VAC14: variants seen among roughly 807,000 people sequenced by gnomAD.
VAC14 encodes the protein VAC14 component of PIKFYVE complex.
A neutral mutation model predicts 85.3 loss-of-function variants in VAC14; 47 were observed. That is an observed-to-expected ratio of 0.55 (90% confidence interval 0.44 to 0.70). VAC14 has a LOEUF of 0.70. Ranked by LOEUF, VAC14 falls within the 30% of genes least tolerant of loss-of-function variation. VAC14 has a pLI of 0.00. For synonymous variants in VAC14, 447 were observed against 430.5 expected (o/e 1.04, Z -0.47); for missense variants, 861 against 1,004.3 (o/e 0.86, Z 1.93).
chr16:70,689,950 C>T (rs2053567168), intron 18 of VAC14: 8 of 985,402 alleles, frequency 8.1e-6, no homozygotes, highest in Middle Eastern at 5.2e-4. Flanking sequence ...CCCACTTAGG[C>T]CAAGGCCACA....
At position 70,762,429 on chromosome 16, in the gene VAC14, G is replaced by A; in HGVS notation, c.1371+111C>T. ...GGCCCCAAAGTGAGTATTAAACACA[G>A]CTTTACCTCTAGGAAGGATGCACTG... On this transcript the variant is annotated intron_variant, in intron 12 of 18. Coordinates refer to ENST00000261776, the MANE Select transcript of VAC14 (RefSeq NM_018052.5). This position sits in a 1 kb window ranked among gnomAD's most constrained non-coding sequence, Gnocchi z 4.1. 8.7e-7 allele frequency: 1 copy of A among 1,148,156 alleles called. No individual in the cohort carries two copies. Among genetic ancestry groups the A allele is most frequent in the East Asian group, 2.6e-5 (1 of 38,736 alleles). 71.1% of individuals were successfully genotyped at this position (1,148,156 alleles called of 1,614,324 possible). A position where few individuals can be genotyped will look rare whatever the true frequency, so the allele number is the denominator to read the frequency against.
At chr16:70,758,014 A>C (rs16970513) in intron 12 of VAC14, among the ~76,000 whole-genome samples, 1 of 152,108 alleles carries the variant, frequency 6.6e-6, no homozygotes, top group African/African-American at 2.4e-5. Context: ...ACCTGGGTAG[A>C]GAAGGAAGAA....
At chr16:70,688,654 C>G (rs950432619) in intron 18 of VAC14, 2 of 985,512 alleles carry the variant, frequency 2.0e-6, no homozygotes, top group Admixed American at 6.1e-5. Context: ...CACCACTGGA[C>G]ATGCCTACAG....
In VAC14 at chr16:70,744,544, G is replaced by A. The variant is rs1178014592; in HGVS notation, c.1407C>T (p.Ile469=). The A allele has an allele frequency of 1.5e-5, 24 of 1,609,598 alleles. 1 individual carries two copies. Among genetic ancestry groups the A allele is most frequent in the Middle Eastern group, 3.3e-4 (2 of 5,972 alleles). Residue 469 remains isoleucine (I), a synonymous_variant, in exon 13 of 19, where the codon ATC becomes ATT. Transcript: ENST00000261776. ...CCGTCTGGCCTGCGGGGGAGGAAGCGATTTCTGCCAGCACCTCCAGGTCCT... is the reference window on the plus strand; with the variant it reads ...CCGTCTGGCCTGCGGGGGAGGAAGCAATTTCTGCCAGCACCTCCAGGTCCT... ...ILKDLEVLAE[I]ASSPAGQTDD...
chr16:70,776,739 A>C (rs972760655), intron 9 of VAC14, among the ~76,000 whole-genome samples: 3 of 150,758 alleles, frequency 2.0e-5, no homozygotes, highest in Admixed American at 6.6e-5. Context: ...TCAGTTTTTA[A>C]TTTAAATATG....
At chr16:70,708,909 C>A (rs1177622394) in intron 14 of VAC14, among the ~76,000 whole-genome samples, 8 of 152,206 alleles carry the variant, frequency 5.3e-5, no homozygotes, top group Non-Finnish European at 1.0e-4. Context: ...TTCTTGCATG[C>A]TGAATCCTCA....
chr16:70,738,783 C>A (rs1245887267), intron 13 of VAC14, among the ~76,000 whole-genome samples: 2 of 152,204 alleles, frequency 1.3e-5, no homozygotes, highest in Non-Finnish European at 2.9e-5. Context: ...GCCAGGGATT[C>A]CGGGGTAAGT....
intron 14 of VAC14, among the ~76,000 whole-genome samples, chr16:70,713,233 T>A (rs1406684942): frequency 6.6e-6 from 1 of 152,182 alleles, no homozygotes; most frequent in Non-Finnish European, 1.5e-5. Context: ...CGCCAGCAGA[T>A]GAGGAAAGTC....
intron 5 of VAC14, 27 bp from the exon 6 acceptor site, chr16:70,783,581 G>C (rs1271205997): frequency 1.9e-6 from 3 of 1,607,208 alleles, no homozygotes; most frequent in South Asian, 1.1e-5. Flanking sequence ...AACAGGAGGG[G>C]AAGTCAGCTC....
rs184961539 is a variant in VAC14 at position 70,693,375 on chromosome 16, C to T, written c.2036-404G>A. ...CTCGGGGCCTGTAGTGTAACATATT[C>T]TCCAGTTGGCTCCACACGTGCCAGC... On this transcript the variant is annotated intron_variant, in intron 17 of 18. Transcript: ENST00000261776. 5.8e-4 allele frequency among the ~76,000 whole-genome samples: 88 copies of T among 152,362 alleles called. No homozygotes were observed. The South Asian group carries it at 0.011, about 19-fold the overall frequency.
intron 17 of VAC14, among the ~76,000 whole-genome samples, chr16:70,695,204 T>C (rs2053681399): frequency 6.6e-6 from 1 of 151,438 alleles, no homozygotes; most frequent in Admixed American, 6.6e-5. Context: ...CTCAACCTCC[T>C]GGGCTCAAGT....
At chr16:70,691,277 T>A (rs2053590603) in intron 18 of VAC14, 2 of 985,404 alleles carry the variant, frequency 2.0e-6, no homozygotes, top group Non-Finnish European at 2.4e-6. Context: ...CCAGGAGGAC[T>A]CCCAGGAAGG....
At position 70,785,899 on chromosome 16, in the gene VAC14, C is replaced by T. The variant is rs746124702; in HGVS notation, c.256-30G>A. 4 of 1,587,746 alleles carry T rather than the reference C, an allele frequency of 2.5e-6. No homozygotes were observed. In the South Asian group the frequency reaches 3.4e-5, roughly 14 times the overall value. ...AAGGAGGCAGGAGGAGAAGACAGAT[C>T]AGAATGGGTTGGAGCCCAGGCCCTG... On this transcript the variant is annotated intron_variant, in intron 2 of 18. Transcript: ENST00000261776.
chr16:70,762,707 C>A lies in VAC14; in HGVS notation c.1306-102G>T. On this transcript the variant is annotated intron_variant, in intron 11 of 18. Coordinates refer to ENST00000261776, the MANE Select transcript of VAC14 (RefSeq NM_018052.5). This position sits in a 1 kb window ranked among gnomAD's most constrained non-coding sequence, Gnocchi z 4.1. ...GTGTGCACGGACCCACTGGTCTGCA[C>A]GGACCACTTCCCTCCCCGACACAAT... 4 of 1,489,844 alleles carry A rather than the reference C, an allele frequency of 2.7e-6. No individual in the cohort carries two copies. Among genetic ancestry groups the A allele is most frequent in the Non-Finnish European group, 3.7e-6 (4 of 1,083,604 alleles). 92.3% of individuals were successfully genotyped at this position (1,489,844 alleles called of 1,614,324 possible). A position where few individuals can be genotyped will look rare whatever the true frequency, so the allele number is the denominator to read the frequency against.
Position 70,692,859 on chromosome 16 carries a change from C to A in VAC14, c.2148G>T (p.Arg716=), listed in dbSNP as rs373770555. Residue 716 remains arginine (R), a synonymous_variant, in exon 18 of 19, where the codon CGG becomes CGT. Coordinates refer to ENST00000261776, the MANE Select transcript of VAC14 (RefSeq NM_018052.5). The part of the protein sequence containing the change: ...QSSAFQLLSH[R]LQCVPNPELL... ...GCTCAGGGTTGGGCACGCACTGGAG[C>A]CGGTGCGAGAGCAGCTGGAAGGCGC... 7.5e-6 allele frequency: 12 copies of A among 1,603,992 alleles called. No homozygotes were observed. Among genetic ancestry groups the A allele is most frequent in the Non-Finnish European group, 1.0e-5 (12 of 1,177,056 alleles).
intron 10 of VAC14, 32 bp downstream of exon 10, chr16:70,772,077 C>A (rs1392624705): frequency 1.2e-6 from 2 of 1,610,556 alleles, no homozygotes; most frequent in Non-Finnish European, 1.7e-6. Flanking sequence ...GCTCGCTTTC[C>A]ACAAACCTTC....
intron 18 of VAC14, 149 bp downstream of exon 18, chr16:70,692,671 CG>C (rs5817709): frequency 1.5e-4 from 159 of 1,040,028 alleles, no homozygotes; most frequent in Admixed American, 1.9e-4. Flanking sequence ...CAAGTGGCTG[CG>C]GGGGGGATGG....
chr16:70,785,922 C>A (rs1450141298), intron 2 of VAC14, 53 bp from the exon 3 acceptor site: 2 of 1,538,270 alleles, frequency 1.3e-6, no homozygotes, highest in East Asian at 2.3e-5. Context: ...AGCCCAGGCC[C>A]TGCAGCCTGC....
chr16:70,745,912 T>C (rs1162203337), intron 12 of VAC14, among the ~76,000 whole-genome samples: 1 of 152,146 alleles, frequency 6.6e-6, no homozygotes, highest in Non-Finnish European at 1.5e-5. Flanking sequence ...GGCTGGAATA[T>C]GGGAATACAA....
Sources: gnomAD v4.1 joint callset for allele counts (sites outside exome capture counted in the v4.1 genomes callset) on GRCh38, gnomAD v4.1.1 for gene constraint, Gnocchi (gnomAD v3.1) non-coding constraint, MANE v1.5 for transcripts, NCBI Gene and HGNC (gene_info 2026-07-23, HGNC 2026-07-21) for gene names.